PIEZO2: variants seen among roughly 807,000 people sequenced by gnomAD.
PIEZO2 encodes piezo type mechanosensitive ion channel component 2.
A neutral mutation model predicts 337.3 loss-of-function variants in PIEZO2; 172 were observed. The observed-to-expected ratio is 0.51, with a 90% CI of 0.45 to 0.58. PIEZO2 has a LOEUF of 0.58. Among genes scored for constraint, PIEZO2 ranks in the 20% least tolerant of loss-of-function variants. The pLI is 0.00. For missense variants in PIEZO2, 3,028 were observed against 3,391.3 expected (o/e 0.89, Z 2.66); for synonymous variants, 1,251 against 1,228.5 (o/e 1.02, Z -0.38).
rs1464300045 is a variant in PIEZO2, at chr18:11,083,511, C to G, written c.65-17289G>C. The stretch of plus-strand genomic sequence containing the variant: ...GGAGGGGAACTAGAGAGAGGAGAAG[C>G]CTGTACACAAAGGGGGAGCCACTCA... On this transcript the variant is annotated intron_variant, in intron 1 of 55. Transcript: ENST00000674853. The surrounding 1 kb of genome is among the most constrained non-coding windows in gnomAD (Gnocchi z 4.4). 6.6e-6 allele frequency among the ~76,000 whole-genome samples: 1 copy of G among 152,130 alleles called. No homozygotes were observed. The highest frequency in any genetic ancestry group is 1.5e-5 in the Non-Finnish European group (1 of 68,026).
chr18:11,075,027 C>T (rs2038481861), intron 1 of PIEZO2, among the ~76,000 whole-genome samples: 1 of 150,708 alleles, frequency 6.6e-6, no homozygotes, highest in African/African-American at 2.5e-5. Context: ...TGTTTAGAAG[C>T]TCCATTTCTA....
rs688237 is a variant in PIEZO2 at position 10,680,135 on chromosome 18, C to T, written c.7952+64G>A. Reference sequence around the variant, plus strand: ...ATTCTTCCATCCCACCACACCCTCCCTCCCCCAACTCCATGTTTAGACTGG... The same window carrying T: ...ATTCTTCCATCCCACCACACCCTCCTTCCCCCAACTCCATGTTTAGACTGG... On this transcript the variant is annotated intron_variant, in intron 52 of 55. Coordinates refer to ENST00000674853, the MANE Select transcript of PIEZO2 (RefSeq NM_001378183.1). 0.8 allele frequency: 1,114,761 copies of T among 1,397,978 alleles called. 452,004 individuals carry two copies. Among genetic ancestry groups the T allele is most frequent in the Non-Finnish European group, 0.83 (846,912 of 1,021,798 alleles). The allele number at this position is 1,397,978 out of a possible 1,614,324, so 86.6% of individuals were successfully genotyped here.
At chr18:11,141,435 G>GT (rs2040642665) in intron 1 of PIEZO2, among the ~76,000 whole-genome samples, 3 of 152,182 alleles carry the variant, frequency 2.0e-5, no homozygotes, top group Admixed American at 2.0e-4. Flanking sequence ...ACCACACAGG[G>GT]TAAAGATGGA....
intron 4 of PIEZO2, among the ~76,000 whole-genome samples, chr18:10,910,555 C>T (rs2030384794): frequency 6.6e-6 from 1 of 151,628 alleles, no homozygotes; most frequent in African/African-American, 2.4e-5. Flanking sequence ...TGCACTCCAG[C>T]CTGGGTAACA....
intron 1 of PIEZO2, among the ~76,000 whole-genome samples, chr18:11,071,689 G>A (rs577433410): frequency 2.2e-4 from 34 of 152,252 alleles, no homozygotes; most frequent in African/African-American, 7.7e-4. Flanking sequence ...CTGAGTGAGC[G>A]ATTCCTGTCA....
chr18:10,774,782 A>G (rs920962026), intron 18 of PIEZO2, among the ~76,000 whole-genome samples: 1 of 152,250 alleles, frequency 6.6e-6, no homozygotes, highest in Non-Finnish European at 1.5e-5. Flanking sequence ...AGACATACTG[A>G]TAGTCTTCTC....
rs930098847 is a variant in PIEZO2 at position 11,045,153 on chromosome 18, C to T, written c.160+20974G>A. On this transcript the variant is annotated intron_variant, in intron 2 of 55. Transcript: ENST00000674853. ...TACTAAAAATGCAAAACAAATTAGCCGGGCATGGTGGCAGGCGACTGTAGT... is the reference window on the plus strand; with the variant it reads ...TACTAAAAATGCAAAACAAATTAGCTGGGCATGGTGGCAGGCGACTGTAGT... 2.2e-4 allele frequency among the ~76,000 whole-genome samples: 33 copies of T among 151,586 alleles called. 1 individual carries two copies. The highest frequency in any genetic ancestry group is 1.4e-3 in the Admixed American group (21 of 15,218).
intron 4 of PIEZO2, among the ~76,000 whole-genome samples, chr18:10,909,108 C>T (rs1469708197): frequency 1.3e-5 from 2 of 152,176 alleles, no homozygotes; most frequent in African/African-American, 4.8e-5. Context: ...TCTAACTGTG[C>T]AGGAAACACG....
chr18:10,879,384 T>A (rs534139617), intron 4 of PIEZO2, among the ~76,000 whole-genome samples: 2 of 141,160 alleles, frequency 1.4e-5, no homozygotes, highest in African/African-American at 5.2e-5. Flanking sequence ...AAAGAGTCCT[T>A]TCCAATCTTT....
chr18:10,740,927 A>T, intron 33 of PIEZO2, 104 bp downstream of exon 33: 3 of 1,209,850 alleles, frequency 2.5e-6, no homozygotes, highest in Non-Finnish European at 3.5e-6. Context: ...AGTCACAAGG[A>T]TCAAACCATG....
At chr18:11,145,043 T>C (rs533035024) in intron 1 of PIEZO2, among the ~76,000 whole-genome samples, 1 of 152,332 alleles carries the variant, frequency 6.6e-6, no homozygotes, top group East Asian at 1.9e-4. Context: ...AAAATATGTG[T>C]AAAATGTTCA....
In PIEZO2 at chr18:10,705,756, G is replaced by C. The variant is rs562943173; in HGVS notation, c.5589-10C>G. ...ACACTGCGTGGGCTCGCTGTTGGGA[G>C]AAAGCGTGGGCACAGAGCCCATGTC... On this transcript the variant is annotated splice_polypyrimidine_tract_variant and intron_variant, in intron 40 of 55. Transcript: ENST00000674853. 3 of 1,510,746 alleles carry C rather than the reference G, an allele frequency of 2.0e-6. No homozygotes were observed. Among genetic ancestry groups the C allele is most frequent in the African/African-American group, 2.8e-5 (2 of 72,492 alleles). 93.6% of individuals were successfully genotyped at this position (1,510,746 alleles called of 1,614,324 possible).
intron 49 of PIEZO2, among the ~76,000 whole-genome samples, chr18:10,687,201 G>A (rs1319848543): frequency 6.6e-6 from 1 of 152,090 alleles, no homozygotes; most frequent in African/African-American, 2.4e-5. Flanking sequence ...GTGTGCCATG[G>A]TGGTTTGTTG....
intron 23 of PIEZO2, among the ~76,000 whole-genome samples, chr18:10,762,260 T>A (rs2038166771): frequency 6.6e-6 from 1 of 152,258 alleles, no homozygotes; most frequent in African/African-American, 2.4e-5. Context: ...GATTGTATAA[T>A]GTTCCAATGA....
chr18:10,725,402 G>A (rs911907728), intron 36 of PIEZO2: 21 of 1,604,864 alleles, frequency 1.3e-5, no homozygotes, highest in East Asian at 2.2e-5. Context: ...CCACATTGGC[G>A]GTCAACCTGA....
chr18:10,893,020 C>T (rs1484808785), intron 4 of PIEZO2, among the ~76,000 whole-genome samples: 1 of 152,144 alleles, frequency 6.6e-6, no homozygotes, highest in Non-Finnish European at 1.5e-5. Flanking sequence ...CTGGGGATTT[C>T]CCTAATAGAA....
In PIEZO2 at chr18:10,878,658, T is replaced by G. The variant is rs563450151; in HGVS notation, c.330-7243A>C. Among the ~76,000 whole-genome samples the G allele has an allele frequency of 1.3e-4, 20 of 152,308 alleles. No individual in the cohort carries two copies. Among genetic ancestry groups the G allele is most frequent in the African/African-American group, 4.6e-4 (19 of 41,576 alleles). On this transcript the variant is annotated intron_variant, in intron 4 of 55. Transcript: ENST00000674853. This position sits in a 1 kb window ranked among gnomAD's most constrained non-coding sequence, Gnocchi z 4.3. ...TTAATTCACTAATTCAAAAAAATTA[T>G]TAAGCACTTACTATGTGCCAGACAC... is the stretch of plus-strand genomic sequence containing the variant.
At position 10,770,115 on chromosome 18, in the gene PIEZO2, T is replaced by C. The variant is rs75046521; in HGVS notation, c.2946+33A>G. On this transcript the variant is annotated intron_variant, in intron 21 of 55. Coordinates refer to ENST00000674853, the MANE Select transcript of PIEZO2 (RefSeq NM_001378183.1). ...AAAATGATGACCTACTGTGGTTCTG[T>C]TCAGCCTGATGATAGGACAAATGTT... 0.014 allele frequency: 20,857 copies of C among 1,534,974 alleles called. 169 individuals are homozygous for C. The highest frequency in any genetic ancestry group is 0.017 in the Middle Eastern group (103 of 5,978).
chr18:11,149,537 C>T lies in PIEZO2; in HGVS notation c.-949G>A, dbSNP rs916761961. 1.3e-5 allele frequency among the ~76,000 whole-genome samples: 2 copies of T among 151,984 alleles called. No homozygotes were observed. Among genetic ancestry groups the T allele is most frequent in the Non-Finnish European group, 2.9e-5 (2 of 67,944 alleles). On this transcript the variant is annotated 5_prime_UTR_variant, in exon 1 of 56. Coordinates refer to ENST00000674853, the MANE Select transcript of PIEZO2 (RefSeq NM_001378183.1). This position sits in a 1 kb window ranked among gnomAD's most constrained non-coding sequence, Gnocchi z 8.7. ...CCTCGCCCTCGCGGCGCAGCCGGGG[C>T]TCCCCGGCGGCGCGCGCTTCTCCAC... is the stretch of plus-strand genomic sequence containing the variant.
Sources: gnomAD v4.1 joint callset for allele counts (sites outside exome capture counted in the v4.1 genomes callset) on GRCh38, gnomAD v4.1.1 for gene constraint, Gnocchi (gnomAD v3.1) non-coding constraint, MANE v1.5 for transcripts, NCBI Gene and HGNC (gene_info 2026-07-23, HGNC 2026-07-21) for gene names.